The following PCDHA3 variants were observed in gnomAD, a reference collection of about 807,000 sequenced individuals.
PCDHA3 encodes protocadherin alpha-3.
PCDHA3 carries 41 observed loss-of-function variants against 62.2 expected under a neutral mutation model. That is an observed-to-expected ratio of 0.66 (90% CI 0.51 to 0.86). The LOEUF (loss-of-function observed/expected upper bound fraction) is 0.86. PCDHA3 is among the 40% of genes least tolerant of loss of function. The probability of loss-of-function intolerance (pLI) is 0.00; values close to 1 mark genes in which losing one functional copy is unlikely to be tolerated. For missense variants in PCDHA3, 1,304 were observed against 1,241.2 expected, an observed-to-expected ratio of 1.05 and a Z score of -0.76; for synonymous variants, 640 against 555.4, an observed-to-expected ratio of 1.15 and a Z score of -2.14.
intron 1 of PCDHA3, chr5:140,807,638 C>G: frequency 6.2e-7 from 1 of 1,614,192 alleles, no homozygotes; most frequent in Non-Finnish European, 8.5e-7. Context: ...GCTTGACTCT[C>G]GGTTTCCACT....
At chr5:140,907,975 G>A (rs1242073777) in intron 1 of PCDHA3, among the ~76,000 whole-genome samples, 1 of 152,154 alleles carries the variant, frequency 6.6e-6, no homozygotes, top group Non-Finnish European at 1.5e-5. Flanking sequence ...TTCCAATCAT[G>A]CTTCTTCCAA....
chr5:140,875,981 A>G lies in PCDHA3; in HGVS notation c.2394+72390A>G, dbSNP rs200521027. 1.0e-3 allele frequency: 1,684 copies of G among 1,614,052 alleles called. 3 individuals are homozygous for G. Among genetic ancestry groups the G allele is most frequent in the Admixed American group, 1.5e-3 (93 of 60,032 alleles). ...ATCGGCGTAAACTCTCTTTTGACCT[A>G]TGCGTTAAGTCTAAATGAGAATTTT... On this transcript the variant is annotated intron_variant, in intron 1 of 3. Transcript: ENST00000522353.
At chr5:140,968,756 G>T in intron 1 of PCDHA3, 1 of 1,614,202 alleles carries the variant, frequency 6.2e-7, no homozygotes, top group Non-Finnish European at 8.5e-7. Flanking sequence ...GGTGGTCCGA[G>T]ATAATGGAGA....
chr5:140,976,743 C>A (rs782329745), intron 1 of PCDHA3, among the ~76,000 whole-genome samples: 16 of 152,116 alleles, frequency 1.1e-4, no homozygotes, highest in Non-Finnish European at 1.5e-4. Context: ...ATTTTAAAAA[C>A]CTCCCAGATG....
intron 1 of PCDHA3, among the ~76,000 whole-genome samples, chr5:140,950,672 C>A (rs76583571): frequency 0.016 from 2,473 of 152,120 alleles, 63 homozygotes; most frequent in African/African-American, 0.055. Context: ...CAAACATGTA[C>A]ATGTATATTG....
At chr5:140,973,728 C>G (rs1193811831) in intron 1 of PCDHA3, among the ~76,000 whole-genome samples, 1 of 152,232 alleles carries the variant, frequency 6.6e-6, no homozygotes, top group African/African-American at 2.4e-5. Context: ...ACATGGGCAT[C>G]TGGTCTAACT....
chr5:140,821,250 T>C (rs1408242957), intron 1 of PCDHA3, among the ~76,000 whole-genome samples: 3 of 152,206 alleles, frequency 2.0e-5, no homozygotes, highest in African/African-American at 7.2e-5. Context: ...AAACTTTAAC[T>C]CTTAAAAGTT....
chr5:140,978,787 C>G (rs1164015518), intron 1 of PCDHA3, 162 bp from the exon 2 acceptor site: 2 of 972,388 alleles, frequency 2.1e-6, no homozygotes, highest in Non-Finnish European at 2.4e-6. Context: ...TTCTAAAGTG[C>G]TATATATGTA....
intron 1 of PCDHA3, chr5:140,877,501 A>T: frequency 6.2e-7 from 1 of 1,613,804 alleles, no homozygotes; most frequent in Non-Finnish European, 8.5e-7. Flanking sequence ...CCAGGCCCCA[A>T]AGACGTCGTC....
rs1580988971 is a variant in PCDHA3, at chr5:140,842,089, C to T, written c.2394+38498C>T. ...AAGTAAGAATATTCGAAAACGCAGA[C>T]AACGGAACAACAGTTATCAAACTGA... is the stretch of plus-strand genomic sequence containing the variant. On this transcript the variant is annotated intron_variant, in intron 1 of 3. Transcript: ENST00000522353. The T allele has an allele frequency of 1.9e-6, 3 of 1,613,894 alleles. No homozygotes were observed. The East Asian group carries it at 6.7e-5, about 36-fold the overall frequency.
chr5:140,812,332 G>C (rs1296138326), intron 1 of PCDHA3: 1 of 151,914 alleles, frequency 6.6e-6, no homozygotes, highest in Non-Finnish European at 1.5e-5. Context: ...TGTGGCATCA[G>C]GTGTAATGCC....
intron 1 of PCDHA3, among the ~76,000 whole-genome samples, chr5:140,899,497 T>G (rs2067365308): frequency 6.6e-6 from 1 of 152,254 alleles, no homozygotes; most frequent in South Asian, 2.1e-4. Context: ...TTACATTTAT[T>G]GATTTGCATA....
At chr5:140,822,812 C>A in intron 1 of PCDHA3, 2 of 1,614,074 alleles carry the variant, frequency 1.2e-6, no homozygotes, top group Non-Finnish European at 1.7e-6. Flanking sequence ...AATGATAATA[C>A]CCCAGAGATG....
At chr5:140,966,631 G>A in intron 1 of PCDHA3, 1 of 995,532 alleles carries the variant, frequency 1.0e-6, no homozygotes, top group Non-Finnish European at 1.4e-6. Flanking sequence ...AGCGGCCCCA[G>A]GCGCTTTCTA....
Position 140,883,261 on chromosome 5 carries a change from G to A in PCDHA3, c.2394+79670G>A, listed in dbSNP as rs148578758. The A allele has an allele frequency of 8.1e-5, 131 of 1,613,912 alleles. No individual in the cohort carries two copies. In the African/African-American group the frequency reaches 1.7e-3, roughly 21 times the overall value. On this transcript the variant is annotated intron_variant, in intron 1 of 3. Transcript: ENST00000522353. Reference sequence around the variant, plus strand: ...TTGACAAAGGAAATATTCCAATGGCGGGTCATTGTACCCTTTTGGTGGAAG... The same window carrying A: ...TTGACAAAGGAAATATTCCAATGGCAGGTCATTGTACCCTTTTGGTGGAAG...
intron 1 of PCDHA3, chr5:140,850,234 TGGTGCTGCGGTC>T (rs1344981647): frequency 6.3e-7 from 1 of 1,593,808 alleles, no homozygotes; most frequent in East Asian, 2.2e-5. Flanking sequence ...GTGAGCGAGA[TGGTGCTGCGGTC>T]GGTGGGCGCC....
chr5:140,964,139 A>G (rs1396740282), intron 1 of PCDHA3, among the ~76,000 whole-genome samples: 1 of 152,242 alleles, frequency 6.6e-6, no homozygotes, highest in Non-Finnish European at 1.5e-5. Flanking sequence ...TAAGGTTGGC[A>G]GGAGCCTCAG....
At chr5:140,884,938 G>A (rs2060412389) in intron 1 of PCDHA3, among the ~76,000 whole-genome samples, 1 of 152,106 alleles carries the variant, frequency 6.6e-6, no homozygotes, top group African/African-American at 2.4e-5. Context: ...TCTTGCAATT[G>A]AGCATTTACA....
rs374146742 is a variant in PCDHA3 at position 140,927,954 on chromosome 5, C to T, written c.2395-50995C>T. ...CGAACCCAGTACCTGAGGACGCTGC[C>T]CCTGGCACAGTGATTGCTCTCTTTA... On this transcript the variant is annotated intron_variant, in intron 1 of 3. Transcript: ENST00000522353. The T allele has an allele frequency of 5.2e-5, 84 of 1,614,080 alleles. No homozygotes were observed. In the African/African-American group the frequency reaches 1.0e-3, roughly 19 times the overall value.
Sources: gnomAD v4.1 joint callset for allele counts (sites outside exome capture counted in the v4.1 genomes callset) on GRCh38, gnomAD v4.1.1 for gene constraint, MANE v1.5 for transcripts, NCBI Gene and HGNC (gene_info 2026-07-23, HGNC 2026-07-21) for gene names.